NOTCH2: variants seen among roughly 807,000 people sequenced by gnomAD.
NOTCH2 encodes the protein neurogenic locus notch homolog protein 2.
Under a neutral mutation model 235.8 loss-of-function variants are expected in NOTCH2, and 29 were observed. That is an observed-to-expected ratio of 0.12 (90% CI 0.09 to 0.17). NOTCH2 has a LOEUF of 0.17. Among genes scored for constraint, NOTCH2 ranks in the 10% least tolerant of loss-of-function variants. NOTCH2 has a pLI of 1.00. For missense variants in NOTCH2, 2,285 were observed against 3,150.2 expected (o/e 0.73, Z 6.57); for synonymous variants, 1,086 against 1,141.5 (o/e 0.95, Z 0.98).
intron 5 of NOTCH2, 104 bp downstream of exon 5, chr1:119,986,856 C>T (rs2101184412): frequency 1.4e-6 from 2 of 1,442,516 alleles, no homozygotes; most frequent in Admixed American, 3.4e-5. Flanking sequence ...CATACTGGTT[C>T]CAGAGCAGGC....
At chr1:119,935,119 T>C in intron 22 of NOTCH2, 1 of 1,199,016 alleles carries the variant, frequency 8.3e-7, no homozygotes, top group Non-Finnish European at 1.0e-6. Flanking sequence ...CAGGTAAATG[T>C]AAATTGTTTA....
At chr1:119,931,303 G>A (rs1463330368) in intron 22 of NOTCH2, among the ~76,000 whole-genome samples, 2 of 151,676 alleles carry the variant, frequency 1.3e-5, no homozygotes, top group Non-Finnish European at 2.9e-5. Context: ...CCTAAATGAA[G>A]ACAACTTTAA....
At chr1:119,986,568 T>G (rs1221259309) in intron 5 of NOTCH2, among the ~76,000 whole-genome samples, 9 of 152,160 alleles carry the variant, frequency 5.9e-5, no homozygotes, top group African/African-American at 2.2e-4. Context: ...GGCTCTGAAC[T>G]CTGGTAGCCT....
chr1:119,968,270 T>C (rs1553199969), intron 6 of NOTCH2, 38 bp from the exon 7 acceptor site: 1 of 1,605,484 alleles, frequency 6.2e-7, no homozygotes, highest in Non-Finnish European at 8.5e-7. Flanking sequence ...TAAGAGAAAA[T>C]GTCTCTCACT....
intron 17 of NOTCH2, 61 bp from the exon 18 acceptor site, chr1:119,941,815 T>C (rs1291069287): frequency 1.5e-6 from 2 of 1,293,908 alleles, no homozygotes; most frequent in African/African-American, 1.5e-5. Context: ...CTTAGATTCA[T>C]AAAAGTGAAT....
Position 119,920,198 on chromosome 1 carries a change from C to T in NOTCH2, c.5479+31G>A, listed in dbSNP as rs201189098. ...TGTGGAACCATGGGCAGACACAGCCCAGTGAAGAGGGGAAGAGGCCCGGTG... is the reference window on the plus strand; with the variant it reads ...TGTGGAACCATGGGCAGACACAGCCTAGTGAAGAGGGGAAGAGGCCCGGTG... On this transcript the variant is annotated intron_variant, in intron 30 of 33. Transcript: ENST00000256646. The T allele has an allele frequency of 4.3e-6, 7 of 1,612,914 alleles. No homozygotes were observed. The Admixed American group carries it at 5.0e-5, about 12-fold the overall frequency.
At chr1:120,060,328 TAA>T (rs1189678528) in intron 1 of NOTCH2, among the ~76,000 whole-genome samples, 7 of 144,548 alleles carry the variant, frequency 4.8e-5, no homozygotes, top group South Asian at 2.2e-4. Flanking sequence ...AGAGGCATAT[TAA>T]GATTAAGTAA....
chr1:120,024,774 C>CT (rs1553209619), intron 2 of NOTCH2, among the ~76,000 whole-genome samples: 1 of 152,212 alleles, frequency 6.6e-6, no homozygotes, highest in Non-Finnish European at 1.5e-5. Context: ...TTTACAAACA[C>CT]TACGTTAGAT....
chr1:119,991,940 C>T (rs1294770185), intron 4 of NOTCH2, among the ~76,000 whole-genome samples: 1 of 135,016 alleles, frequency 7.4e-6, no homozygotes, highest in African/African-American at 3.3e-5. Flanking sequence ...TCTTGGCACA[C>T]AACTTCCATT....
At chr1:120,025,449 A>G (rs1363483861) in intron 2 of NOTCH2, among the ~76,000 whole-genome samples, 5 of 151,774 alleles carry the variant, frequency 3.3e-5, no homozygotes, top group African/African-American at 1.2e-4. Context: ...GATTTGTGTC[A>G]TCGGACTAAG....
At chr1:119,982,194 C>T (rs1191141796) in intron 5 of NOTCH2, among the ~76,000 whole-genome samples, 1 of 152,240 alleles carries the variant, frequency 6.6e-6, no homozygotes, top group Non-Finnish European at 1.5e-5. Context: ...TCTTGAGGCT[C>T]ATCATGCTGT....
intron 26 of NOTCH2, among the ~76,000 whole-genome samples, chr1:119,923,221 C>T (rs1649347288): frequency 6.6e-6 from 1 of 152,146 alleles, no homozygotes; most frequent in Non-Finnish European, 1.5e-5. Context: ...GAAAGTTTGA[C>T]AATATACCAA....
chr1:120,045,804 CAA>C (rs1470741299), intron 1 of NOTCH2, among the ~76,000 whole-genome samples: 4 of 152,212 alleles, frequency 2.6e-5, no homozygotes, highest in Admixed American at 2.6e-4. Flanking sequence ...AACAAAAGAA[CAA>C]ATATCTTAGA....
At position 119,943,315 on chromosome 1, in the gene NOTCH2, C is replaced by T. The variant is rs59233270; in HGVS notation, c.2753-1561G>A. Among the ~76,000 whole-genome samples the T allele has an allele frequency of 1.7e-3, 262 of 152,238 alleles. 2 individuals carry two copies. Among genetic ancestry groups the T allele is most frequent in the African/African-American group, 5.9e-3 (246 of 41,536 alleles). The stretch of plus-strand genomic sequence containing the variant: ...GTAACTAAGGATCGGTCAGTACATA[C>T]ATGTAATAAAACTATTAAGGCTGGG... On this transcript the variant is annotated intron_variant, in intron 17 of 33. Transcript: ENST00000256646.
intron 22 of NOTCH2, among the ~76,000 whole-genome samples, chr1:119,931,389 T>A (rs11810614): frequency 0.044 from 6,717 of 152,116 alleles, 483 homozygotes; most frequent in African/African-American, 0.15. Context: ...AGACTCCTCA[T>A]CATAAAGTTA....
At chr1:119,917,633 G>A (rs1048689186) in intron 33 of NOTCH2, 32 bp downstream of exon 33, 1 of 1,375,390 alleles carries the variant, frequency 7.3e-7, no homozygotes, top group Non-Finnish European at 1.0e-6. Flanking sequence ...ACTGCTATGA[G>A]CCTCCTCAAG....
intron 3 of NOTCH2, among the ~76,000 whole-genome samples, chr1:120,001,025 A>G (rs1448226141): frequency 6.6e-6 from 1 of 152,062 alleles, no homozygotes; most frequent in African/African-American, 2.4e-5. Flanking sequence ...ATGATAGTGA[A>G]TAAGTCTCAT....
At chr1:120,047,683 CA>C (rs797029768) in intron 1 of NOTCH2, among the ~76,000 whole-genome samples, 7 of 130,760 alleles carry the variant, frequency 5.4e-5, no homozygotes, top group Admixed American at 1.5e-4. Context: ...GGCCCTGTCT[CA>C]AAAAAAAAAA....
intron 28 of NOTCH2, 66 bp from the exon 29 acceptor site, chr1:119,921,875 C>T (rs746988432): frequency 1.5e-6 from 2 of 1,318,382 alleles, no homozygotes; most frequent in South Asian, 1.2e-5. Context: ...GTTTTCAACA[C>T]TTTCCACCAT....
Sources: allele counts gnomAD v4.1 joint callset (sites outside exome capture counted in the v4.1 genomes callset), GRCh38; gene constraint gnomAD v4.1.1; transcripts MANE v1.5; gene names NCBI Gene and HGNC (gene_info 2026-07-23, HGNC 2026-07-21).